Variants in PTDSS1 observed in about 807,000 individuals in gnomAD.
PTDSS1 encodes the protein phosphatidylserine synthase 1.
In PTDSS1, 45 loss-of-function variants were observed where a neutral mutation model predicts 70.5. The ratio of observed to expected loss-of-function variants is 0.64; its 90% CI spans 0.50 to 0.82. PTDSS1 has a LOEUF of 0.82. Ranked by LOEUF, PTDSS1 falls within the 40% of genes least tolerant of loss-of-function variation. The probability of loss-of-function intolerance (pLI) is 0.00; values close to 1 mark genes in which losing one functional copy is unlikely to be tolerated. For synonymous variants in PTDSS1, 188 were observed against 203.8 expected, an observed-to-expected ratio of 0.92 and a Z score of 0.66; for missense variants, 417 against 586.1, an observed-to-expected ratio of 0.71 and a Z score of 2.98.
At chr8:96,296,400 A>G (rs1286464753) in intron 5 of PTDSS1, among the ~76,000 whole-genome samples, 3 of 151,940 alleles carry the variant, frequency 2.0e-5, no homozygotes, top group African/African-American at 7.2e-5. Context: ...AGCCTCCCAA[A>G]GTGCTGGGAT....
intron 10 of PTDSS1, among the ~76,000 whole-genome samples, chr8:96,322,684 C>T (rs1811388543): frequency 1.3e-5 from 2 of 152,172 alleles, no homozygotes; most frequent in South Asian, 4.1e-4. Flanking sequence ...CCCCGCTTCT[C>T]ACATACGAAA....
rs1258626619 is a variant in PTDSS1, at chr8:96,284,028, G to A, written c.272-81G>A. ...AGAGAGCTTTTTCTTCTTGTTATCT[G>A]TATGGAGATCAGCAGCACCTTAAGT... On this transcript the variant is annotated intron_variant, in intron 2 of 12. Coordinates refer to ENST00000517309, the MANE Select transcript of PTDSS1 (RefSeq NM_014754.3). The A allele has an allele frequency of 3.5e-6, 4 of 1,147,290 alleles. No homozygotes were observed. The African/African-American group carries it at 4.8e-5, about 14-fold the overall frequency. The allele number at this position is 1,147,290 out of a possible 1,614,324, so 71.1% of individuals were successfully genotyped here.
At chr8:96,309,465 G>A in intron 8 of PTDSS1, 92 bp from the exon 9 acceptor site, 2 of 1,132,414 alleles carry the variant, frequency 1.8e-6, no homozygotes, top group South Asian at 2.6e-5. Context: ...GGACAAGGAG[G>A]GACGTTTTTT....
chr8:96,317,299 A>T (rs565329999), intron 9 of PTDSS1, among the ~76,000 whole-genome samples: 6 of 151,978 alleles, frequency 3.9e-5, no homozygotes, highest in African/African-American at 1.4e-4. Context: ...ATGTAATCCC[A>T]TAGCCGGCCC....
chr8:96,279,355 GT>G (rs1005537449), intron 2 of PTDSS1, among the ~76,000 whole-genome samples: 2 of 150,764 alleles, frequency 1.3e-5, no homozygotes, highest in African/African-American at 4.9e-5. Context: ...GTTTATCATT[GT>G]TTCTTCTTCT....
chr8:96,300,782 A>G (rs1811039253), intron 6 of PTDSS1, among the ~76,000 whole-genome samples: 1 of 152,182 alleles, frequency 6.6e-6, no homozygotes, highest in African/African-American at 2.4e-5. Flanking sequence ...GTTCCATTTT[A>G]TGGTCCTTTA....
intron 2 of PTDSS1, 97 bp downstream of exon 2, chr8:96,273,487 C>G: frequency 5.1e-6 from 5 of 977,676 alleles, no homozygotes; most frequent in Non-Finnish European, 7.5e-6. Flanking sequence ...AAGAAATAAT[C>G]TGAGTTTTGT....
chr8:96,269,591 G>T (rs1478010542), intron 1 of PTDSS1, among the ~76,000 whole-genome samples: 2 of 152,196 alleles, frequency 1.3e-5, no homozygotes, highest in Non-Finnish European at 2.9e-5. Context: ...CACAAGTCAT[G>T]ATCTTTCCTG....
At chr8:96,326,375 T>C (rs187097413) in intron 10 of PTDSS1, among the ~76,000 whole-genome samples, 1 of 152,122 alleles carries the variant, frequency 6.6e-6, no homozygotes, top group Non-Finnish European at 1.5e-5. Context: ...TTGTTTTTTT[T>C]CTATCTGTCT....
chr8:96,322,675 C>G (rs1044483100), intron 10 of PTDSS1, among the ~76,000 whole-genome samples: 7 of 152,138 alleles, frequency 4.6e-5, no homozygotes, highest in Non-Finnish European at 1.0e-4. Context: ...ACCCCTGACC[C>G]CCGCTTCTCA....
intron 10 of PTDSS1, among the ~76,000 whole-genome samples, chr8:96,326,863 G>T (rs114567799): frequency 0.035 from 5,357 of 152,272 alleles, 128 homozygotes; most frequent in African/African-American, 0.067. Flanking sequence ...CAAGGCAGAG[G>T]CATTGAAGAT....
chr8:96,264,331 G>A (rs987817731), intron 1 of PTDSS1, among the ~76,000 whole-genome samples: 6 of 152,140 alleles, frequency 3.9e-5, no homozygotes, highest in Non-Finnish European at 7.3e-5. Flanking sequence ...CTCAGTGCAT[G>A]GCAAGTATTA....
intron 9 of PTDSS1, 76 bp from the exon 10 acceptor site, chr8:96,320,170 A>G (rs1370912785): frequency 7.9e-7 from 1 of 1,269,272 alleles, no homozygotes; most frequent in East Asian, 2.3e-5. Flanking sequence ...TTTTCATTCA[A>G]TCATGCATAT....
Position 96,262,705 on chromosome 8 carries a change from T to G in PTDSS1, c.179+486T>G, listed in dbSNP as rs1022296417. Among the ~76,000 whole-genome samples, 15 of 152,098 alleles carry G rather than the reference T, an allele frequency of 9.9e-5. No homozygotes were observed. The highest frequency in any genetic ancestry group is 1.8e-4 in the Non-Finnish European group (12 of 68,024). ...CCAGGACACAACCTAGATCCCTTCC[T>G]GTGGAACTCCGGTATTCGGCACTAT... is the stretch of plus-strand genomic sequence containing the variant. On this transcript the variant is annotated intron_variant, in intron 1 of 12. Transcript: ENST00000517309. This position sits in a 1 kb window ranked among gnomAD's most constrained non-coding sequence, Gnocchi z 4.4.
At chr8:96,306,757 T>G (rs1007522357) in intron 8 of PTDSS1, among the ~76,000 whole-genome samples, 1 of 152,226 alleles carries the variant, frequency 6.6e-6, no homozygotes, top group Non-Finnish European at 1.5e-5. Flanking sequence ...GAGAAGCACT[T>G]GATGAACACC....
At chr8:96,305,454 CT>C (rs1463506209) in intron 7 of PTDSS1, among the ~76,000 whole-genome samples, 1 of 152,146 alleles carries the variant, frequency 6.6e-6, no homozygotes, top group African/African-American at 2.4e-5. Context: ...GAGCTGGGCT[CT>C]AGGCAGAGAG....
At chr8:96,290,022 CTT>C (rs1403079661) in intron 4 of PTDSS1, among the ~76,000 whole-genome samples, 1 of 152,050 alleles carries the variant, frequency 6.6e-6, no homozygotes, top group Non-Finnish European at 1.5e-5. Context: ...GTGCAGGGCT[CTT>C]TATATTCTAC....
intron 2 of PTDSS1, among the ~76,000 whole-genome samples, chr8:96,279,468 A>AG (rs1430636741): frequency 6.6e-6 from 1 of 152,090 alleles, no homozygotes; most frequent in African/African-American, 2.4e-5. Flanking sequence ...AAAAAAAAAA[A>AG]AAAGTTCCTT....
intron 9 of PTDSS1, among the ~76,000 whole-genome samples, chr8:96,317,878 AGTGTGTGTGT>A (rs10529330): frequency 1.3e-3 from 179 of 139,970 alleles, no homozygotes; most frequent in African/African-American, 4.1e-3. Context: ...CTTTTGTTTC[AGTGTGTGTGT>A]GTGTGTGTGT....
Sources: allele counts gnomAD v4.1 joint callset (sites outside exome capture counted in the v4.1 genomes callset), GRCh38; gene constraint gnomAD v4.1.1; non-coding constraint Gnocchi (gnomAD v3.1); transcripts MANE v1.5; gene names NCBI Gene and HGNC (gene_info 2026-07-23, HGNC 2026-07-21).